CHST13: variants seen among roughly 807,000 people sequenced by gnomAD.
CHST13 encodes carbohydrate sulfotransferase 13, also known as C4ST-3.
CHST13 carries 1 observed loss-of-function variant against 7.0 expected under a neutral mutation model. That is an observed-to-expected ratio of 0.14 (90% CI 0.05 to 0.68). CHST13 has a LOEUF of 0.68. Among genes scored for constraint, CHST13 ranks in the 30% least tolerant of loss-of-function variants. The pLI is 0.82. For synonymous variants in CHST13, 257 were observed against 240.9 expected (o/e 1.07, Z -0.62); for missense variants, 572 against 507.9 (o/e 1.13, Z -1.21).
intron 1 of CHST13, among the ~76,000 whole-genome samples, chr3:126,531,292 G>A (rs72982012): frequency 0.12 from 18,255 of 152,260 alleles, 1,699 homozygotes; most frequent in African/African-American, 0.26. Flanking sequence ...GTTTGGGAAT[G>A]ACTGCCCTAG....
At chr3:126,533,177 A>G (rs745861772) in intron 1 of CHST13, among the ~76,000 whole-genome samples, 1 of 152,124 alleles carries the variant, frequency 6.6e-6, no homozygotes, top group Non-Finnish European at 1.5e-5. Context: ...TCATCTATGA[A>G]TAGACAAAGT....
At position 126,536,263 on chromosome 3, in the gene CHST13, GC is replaced by G. The variant is rs1560140385; in HGVS notation, c.98-5del. 4 of 1,613,112 alleles carry G rather than the reference GC, an allele frequency of 2.5e-6. No homozygotes were observed. Among genetic ancestry groups the G allele is most frequent in the Non-Finnish European group, 3.4e-6 (4 of 1,179,362 alleles). Reference sequence around the variant, plus strand: ...ATGGTGGCGACATCTCTCTCCTTATGCCCACAGCATTTGGAAACAGAGCCCT... The same window carrying G: ...ATGGTGGCGACATCTCTCTCCTTATGCCACAGCATTTGGAAACAGAGCCCT... On this transcript the variant is annotated splice_region_variant and splice_polypyrimidine_tract_variant and intron_variant, in intron 1 of 2. Transcript: ENST00000319340.
At chr3:126,539,486 C>T (rs939369085) in intron 2 of CHST13, among the ~76,000 whole-genome samples, 6 of 146,706 alleles carry the variant, frequency 4.1e-5, no homozygotes, top group Non-Finnish European at 9.0e-5. Context: ...CACACACACA[C>T]ATATGTACCC....
At chr3:126,537,554 GGA>G (rs1304899677) in intron 2 of CHST13, among the ~76,000 whole-genome samples, 1 of 152,186 alleles carries the variant, frequency 6.6e-6, no homozygotes, top group Non-Finnish European at 1.5e-5. Flanking sequence ...AAGCAGGTAG[GGA>G]GGCCTTCCTT....
Position 126,542,518 on chromosome 3 carries a change from C to A in CHST13, c.966C>A (p.Leu322=). ...TCTACCAGCGGCGCCTCTTCGACCT[C>A]TACAAGATGGACTTCCTGCTTTTCA... ...SPFYQRRLFD[L]YKMDFLLFNY... is the part of the protein sequence containing the mutation. The change falls in exon 3 of 3, where the codon CTC becomes CTA. Residue 322 remains leucine, a synonymous_variant. Coordinates refer to ENST00000319340, the MANE Select transcript of CHST13 (RefSeq NM_152889.3). 1 of 1,551,580 alleles carries A rather than the reference C, an allele frequency of 6.4e-7. No homozygotes were observed. Among genetic ancestry groups the A allele is most frequent in the Non-Finnish European group, 8.7e-7 (1 of 1,155,426 alleles).
chr3:126,530,307 C>G (rs142293270), intron 1 of CHST13, among the ~76,000 whole-genome samples: 11 of 152,376 alleles, frequency 7.2e-5, no homozygotes, highest in Non-Finnish European at 1.5e-4. Flanking sequence ...CCCCTGGGGG[C>G]TGTTATGGTA....
At chr3:126,526,664 C>A (rs572430282) in intron 1 of CHST13, among the ~76,000 whole-genome samples, 47 of 152,312 alleles carry the variant, frequency 3.1e-4, no homozygotes, top group African/African-American at 1.1e-3. Context: ...CTGCGGCAGC[C>A]CCTCCACAGC....
chr3:126,531,257 T>A (rs961092786), intron 1 of CHST13, among the ~76,000 whole-genome samples: 7 of 151,948 alleles, frequency 4.6e-5, no homozygotes, highest in Admixed American at 1.3e-4. Flanking sequence ...GATTCTTGAG[T>A]TTAATGGGCC....
At chr3:126,539,800 CCACACCACACACCACAAACACACAT>C (rs1936899975) in intron 2 of CHST13, among the ~76,000 whole-genome samples, 1 of 8,466 alleles carries the variant, frequency 1.2e-4, no homozygotes, top group Admixed American at 1.3e-3. Flanking sequence ...ACCACAGACA[CCACACCACACACCACAAACACACAT>C]ACCACACACA....
At chr3:126,538,606 C>T (rs1366163857) in intron 2 of CHST13, among the ~76,000 whole-genome samples, 1 of 152,240 alleles carries the variant, frequency 6.6e-6, no homozygotes, top group Non-Finnish European at 1.5e-5. Context: ...GGCCAACATT[C>T]CCTGCCACAA....
chr3:126,539,597 CCCACACACT>C (rs1936883318), intron 2 of CHST13, among the ~76,000 whole-genome samples: 1 of 135,688 alleles, frequency 7.4e-6, no homozygotes, highest in Non-Finnish European at 1.6e-5. Context: ...CCACACACAC[CCCACACACT>C]CCACACCACA....
intron 2 of CHST13, among the ~76,000 whole-genome samples, chr3:126,538,747 G>C (rs918732660): frequency 6.6e-6 from 1 of 152,184 alleles, no homozygotes; most frequent in African/African-American, 2.4e-5. Context: ...GGTCTCCCAG[G>C]TGTCCCCATA....
Position 126,541,834 on chromosome 3 carries a change from G to A in CHST13, c.282G>A (p.Glu94=). The change falls in exon 3 of 3, where the codon GAG becomes GAA. Residue 94 remains glutamate, a synonymous_variant. Transcript: ENST00000319340. ...HSRRQRLLQP[E]DLRHVLVDDA... ...GCCGGCAGCGCCTGCTACAGCCGGA[G>A]GACCTGCGGCACGTGCTGGTGGACG... 1.3e-6 allele frequency: 2 copies of A among 1,572,994 alleles called. No homozygotes were observed. Among genetic ancestry groups the A allele is most frequent in the South Asian group, 1.2e-5 (1 of 85,774 alleles).
rs1270912291 is a variant in CHST13 at position 126,542,259 on chromosome 3, G to T, written c.707G>T (p.Arg236Leu). 2.6e-6 allele frequency: 4 copies of T among 1,549,504 alleles called. No individual in the cohort carries two copies. Among genetic ancestry groups the T allele is most frequent in the Non-Finnish European group, 2.6e-6 (3 of 1,154,650 alleles). The change falls in exon 3 of 3, where the codon CGC (arginine) becomes CTC (leucine). Residue 236 changes from arginine (R) to leucine (L), a missense_variant. Physicochemically the swap from Arg to Leu is moderately radical, Grantham distance 102. Coordinates refer to ENST00000319340, the MANE Select transcript of CHST13 (RefSeq NM_152889.3). ...AEFLAYLLDP[R>L]TRREEPFNEH... ...TTCCTGGCCTACCTGCTGGACCCGCGCACGCGGCGTGAGGAGCCCTTCAAC... is the reference window on the plus strand; with the variant it reads ...TTCCTGGCCTACCTGCTGGACCCGCTCACGCGGCGTGAGGAGCCCTTCAAC...
rs1316177221 is a variant in CHST13, at chr3:126,524,214, C to CCTGCG, written c.-117_-113dup. Reference sequence around the variant, plus strand: ...GGGTCCAGCTGCCGTGCTCCCCTGCCCTGCGCCGCGCCGCGCGTCTTGGTA... The same window carrying CCTGCG: ...GGGTCCAGCTGCCGTGCTCCCCTGCCCTGCGCTGCGCCGCGCCGCGCGTCTTGGTA... On this transcript the variant is annotated 5_prime_UTR_variant, in exon 1 of 3. Coordinates refer to ENST00000319340, the MANE Select transcript of CHST13 (RefSeq NM_152889.3). 9 of 776,016 alleles carry CCTGCG rather than the reference C, an allele frequency of 1.2e-5. No individual in the cohort carries two copies. In the Admixed American group the frequency reaches 3.3e-4, roughly 28 times the overall value. 48.1% of individuals were successfully genotyped at this position (776,016 alleles called of 1,614,324 possible).
chr3:126,530,360 C>T (rs995504914), intron 1 of CHST13, among the ~76,000 whole-genome samples: 1 of 152,244 alleles, frequency 6.6e-6, no homozygotes, highest in African/African-American at 2.4e-5. Context: ...AAATGAGAGG[C>T]CTTATGCAAG....
intron 2 of CHST13, among the ~76,000 whole-genome samples, 186 bp from the exon 3 acceptor site, chr3:126,541,547 C>A (rs951008386): frequency 2.6e-5 from 4 of 152,208 alleles, no homozygotes; most frequent in African/African-American, 9.6e-5. Context: ...TCCCAAATCT[C>A]GGCCCAGGAC....
At chr3:126,539,972 A>G (rs78148866) in intron 2 of CHST13, among the ~76,000 whole-genome samples, 3,641 of 43,640 alleles carry the variant, frequency 0.083, 157 homozygotes, top group African/African-American at 0.22. Flanking sequence ...CACACACACA[A>G]ATGCCACACA....
rs1308140476 is a variant in CHST13 at position 126,542,093 on chromosome 3, G to C, written c.541G>C (p.Ala181Pro). The change falls in exon 3 of 3, where the codon GCA becomes CCA. Residue 181 changes from alanine (A) to proline (P), a missense_variant. Coordinates refer to ENST00000319340, the MANE Select transcript of CHST13 (RefSeq NM_152889.3). ...LFVREPFERLASAYRNKLARP... is the reference protein window; with the variant it reads ...LFVREPFERLPSAYRNKLARP... ...CGTGCGGGAGCCCTTCGAGCGCCTGGCATCGGCTTACCGCAACAAGCTCGC... is the reference window on the plus strand; with the variant it reads ...CGTGCGGGAGCCCTTCGAGCGCCTGCCATCGGCTTACCGCAACAAGCTCGC... 3 of 1,583,534 alleles carry C rather than the reference G, an allele frequency of 1.9e-6. No individual in the cohort carries two copies. The highest frequency in any genetic ancestry group is 1.4e-5 in the African/African-American group (1 of 72,566).
Sources: allele counts gnomAD v4.1 joint callset (sites outside exome capture counted in the v4.1 genomes callset), GRCh38; gene constraint gnomAD v4.1.1; transcripts MANE v1.5; gene names NCBI Gene and HGNC (gene_info 2026-07-23, HGNC 2026-07-21).